LRRC7: variants seen among roughly 807,000 people sequenced by gnomAD.
LRRC7 encodes the protein leucine-rich repeat-containing protein 7.
Under a neutral mutation model 175.7 loss-of-function variants are expected in LRRC7, and 23 were observed. That is an observed-to-expected ratio of 0.13 (90% confidence interval 0.09 to 0.19). The LOEUF is 0.19. Ranked by LOEUF, LRRC7 falls within the 10% of genes least tolerant of loss-of-function variation. The pLI, the probability that LRRC7 is intolerant of heterozygous loss-of-function variation, is 1.00. For missense variants in LRRC7, 1,354 were observed against 1,904.7 expected (o/e 0.71, Z 5.38); for synonymous variants, 685 against 680.9 (o/e 1.01, Z -0.09).
intron 1 of LRRC7, among the ~76,000 whole-genome samples, chr1:69,574,555 A>G (rs1344514978): frequency 6.6e-6 from 1 of 152,222 alleles, no homozygotes; most frequent in Non-Finnish European, 1.5e-5. Flanking sequence ...TGCACTAAAA[A>G]GGTAGGTAAT....
rs1279103942 is a variant in LRRC7 at position 70,140,635 on chromosome 1, C to A, written c.*18748C>A. The A allele has an allele frequency of 2.0e-5, 3 of 152,216 alleles. No individual in the cohort carries two copies. Among genetic ancestry groups the A allele is most frequent in the African/African-American group, 7.2e-5 (3 of 41,538 alleles). The allele number at this position is 152,216 out of a possible 1,614,324, so 9.4% of individuals were successfully genotyped here. On this transcript the variant is annotated 3_prime_UTR_variant, in exon 27 of 27. Coordinates refer to ENST00000651989, the MANE Select transcript of LRRC7 (RefSeq NM_001370785.2). Reference sequence around the variant, plus strand: ...CTCAGGCAAGTATAATATAAAAAGTCAGGAATTGACTACAGTTCCCTTGGC... The same window carrying A: ...CTCAGGCAAGTATAATATAAAAAGTAAGGAATTGACTACAGTTCCCTTGGC...
chr1:70,097,620 C>T (rs915013440), intron 25 of LRRC7, among the ~76,000 whole-genome samples: 5 of 121,438 alleles, frequency 4.1e-5, no homozygotes, highest in Admixed American at 9.6e-5. Context: ...CCTCCCCCCA[C>T]CCCACAACAG....
At chr1:69,581,901 A>T (rs1263511654) in intron 1 of LRRC7, among the ~76,000 whole-genome samples, 1 of 152,172 alleles carries the variant, frequency 6.6e-6, no homozygotes, top group Non-Finnish European at 1.5e-5. Flanking sequence ...TGAGTAGAAG[A>T]GTGTAAACCA....
chr1:70,113,416 A>G (rs1490224936), intron 26 of LRRC7, among the ~76,000 whole-genome samples: 5 of 152,174 alleles, frequency 3.3e-5, no homozygotes, highest in African/African-American at 4.8e-5. Context: ...GAGAATTTAT[A>G]TCATACCTGG....
intron 7 of LRRC7, among the ~76,000 whole-genome samples, chr1:69,860,254 C>A (rs1036431825): frequency 5.3e-5 from 8 of 151,818 alleles, no homozygotes; most frequent in African/African-American, 1.9e-4. Flanking sequence ...AATCTCTTCA[C>A]CTCATCATTT....
At chr1:69,753,372 A>T (rs559871761) in intron 2 of LRRC7, among the ~76,000 whole-genome samples, 136 of 151,152 alleles carry the variant, frequency 9.0e-4, no homozygotes, top group Non-Finnish European at 1.6e-3. Flanking sequence ...TTATATGCTG[A>T]TCTATAAATA....
intron 5 of LRRC7, among the ~76,000 whole-genome samples, chr1:69,831,233 T>C (rs1400308383): frequency 2.6e-5 from 4 of 152,068 alleles, no homozygotes; most frequent in Non-Finnish European, 5.9e-5. Flanking sequence ...ATGTATCATA[T>C]TGATCATCTT....
At chr1:70,000,400 A>G (rs899791702) in intron 11 of LRRC7, among the ~76,000 whole-genome samples, 12 of 152,358 alleles carry the variant, frequency 7.9e-5, no homozygotes, top group Middle Eastern at 3.4e-3. Context: ...GCTATATCAT[A>G]TAACGTAGGT....
At chr1:69,877,425 C>T (rs1358479713) in intron 7 of LRRC7, among the ~76,000 whole-genome samples, 1 of 152,096 alleles carries the variant, frequency 6.6e-6, no homozygotes, top group African/African-American at 2.4e-5. Context: ...TGCACTCCAG[C>T]CTGGGCAACA....
At chr1:69,974,103 T>C (rs1260454919) in intron 8 of LRRC7, among the ~76,000 whole-genome samples, 1 of 152,236 alleles carries the variant, frequency 6.6e-6, no homozygotes, top group Non-Finnish European at 1.5e-5. Context: ...CTTGTGTAAA[T>C]TGATTTGTGC....
chr1:69,643,584 T>A (rs1350115822), intron 1 of LRRC7, among the ~76,000 whole-genome samples: 1 of 152,128 alleles, frequency 6.6e-6, no homozygotes, highest in South Asian at 2.1e-4. Flanking sequence ...GAGCAATATG[T>A]CTTATTAACC....
chr1:69,843,818 A>G (rs1226856880), intron 7 of LRRC7, among the ~76,000 whole-genome samples: 2 of 152,182 alleles, frequency 1.3e-5, no homozygotes, highest in African/African-American at 4.8e-5. Flanking sequence ...ATGAAAGTCA[A>G]AAAAGACTAA....
At chr1:69,975,772 A>C (rs887321569) in intron 8 of LRRC7, among the ~76,000 whole-genome samples, 5 of 152,074 alleles carry the variant, frequency 3.3e-5, no homozygotes, top group African/African-American at 9.7e-5. Context: ...ACTTACACCC[A>C]TACCATCCCT....
intron 1 of LRRC7, among the ~76,000 whole-genome samples, chr1:69,623,496 TA>T (rs1298404869): frequency 1.3e-5 from 2 of 150,246 alleles, no homozygotes; most frequent in Non-Finnish European, 3.0e-5. Flanking sequence ...ATTTAACTTC[TA>T]AGAACAAATA....
intron 7 of LRRC7, among the ~76,000 whole-genome samples, chr1:69,858,155 A>G (rs1490424469): frequency 1.3e-5 from 2 of 152,172 alleles, no homozygotes; most frequent in Admixed American, 6.6e-5. Flanking sequence ...AACCATAAAA[A>G]CCCTAGAAGA....
chr1:69,684,084 G>A (rs145626153), intron 2 of LRRC7, among the ~76,000 whole-genome samples: 1,906 of 152,204 alleles, frequency 0.013, 28 homozygotes, highest in African/African-American at 0.034. Context: ...ATATCTGATT[G>A]TATATTCAAA....
intron 24 of LRRC7, among the ~76,000 whole-genome samples, chr1:70,086,795 A>G (rs1018767755): frequency 6.6e-6 from 1 of 152,176 alleles, no homozygotes; most frequent in Non-Finnish European, 1.5e-5. Context: ...TAAATAAGCT[A>G]TTTATTAGCT....
At chr1:69,954,037 G>A (rs1650232657) in intron 8 of LRRC7, among the ~76,000 whole-genome samples, 1 of 151,934 alleles carries the variant, frequency 6.6e-6, no homozygotes, top group Non-Finnish European at 1.5e-5. Flanking sequence ...CCAGGTACCT[G>A]GCCCAGCCAT....
Position 70,001,084 on chromosome 1 carries a change from A to G in LRRC7, c.1004+6451A>G, listed in dbSNP as rs114010675. Among the ~76,000 whole-genome samples, 307 of 152,242 alleles carry G rather than the reference A, an allele frequency of 2.0e-3. 1 individual carries two copies. Among genetic ancestry groups the G allele is most frequent in the African/African-American group, 7.1e-3 (293 of 41,554 alleles). Reference sequence around the variant, plus strand: ...CTCATAATGTATATACCTCACCTCAATTAAGATCATTTTTGTTTCCCAGCT... The same window carrying G: ...CTCATAATGTATATACCTCACCTCAGTTAAGATCATTTTTGTTTCCCAGCT... On this transcript the variant is annotated intron_variant, in intron 11 of 26. Coordinates refer to ENST00000651989, the MANE Select transcript of LRRC7 (RefSeq NM_001370785.2).
Sources: gnomAD v4.1 joint callset for allele counts (sites outside exome capture counted in the v4.1 genomes callset) on GRCh38, gnomAD v4.1.1 for gene constraint, MANE v1.5 for transcripts, NCBI Gene and HGNC (gene_info 2026-07-23, HGNC 2026-07-21) for gene names.